Variants in BMX observed in about 807,000 individuals in gnomAD.
The protein encoded by BMX is cytoplasmic tyrosine-protein kinase BMX.
A neutral mutation model predicts 59.2 loss-of-function variants in BMX; 31 were observed. The ratio of observed to expected loss-of-function variants is 0.52; its 90% CI spans 0.39 to 0.71. The LOEUF (loss-of-function observed/expected upper bound fraction) is 0.71, where lower values mean the gene tolerates loss of function less well. BMX is among the 30% of genes least tolerant of loss of function. BMX has a pLI of 0.00. For synonymous variants in BMX, 185 were observed against 181.0 expected (o/e 1.02, Z -0.18); for missense variants, 474 against 491.7 (o/e 0.96, Z 0.34).
chrX:15,525,174 G>C, intron 7 of BMX, 114 bp from the exon 8 acceptor site: 1 of 719,458 alleles, frequency 1.4e-6, no homozygotes, highest in East Asian at 3.6e-5. Context: ...AGTGAAATGT[G>C]TGGGTCAAAA....
intron 18 of BMX, among the ~76,000 whole-genome samples, chrX:15,555,811 A>G (rs1193181269): frequency 1.8e-5 from 2 of 112,001 alleles, no homozygotes; most frequent in Non-Finnish European, 3.8e-5. Context: ...GCAAATAAAG[A>G]GACTTTTTCT....
intron 7 of BMX, among the ~76,000 whole-genome samples, chrX:15,523,849 C>T (rs937668837): frequency 2.7e-5 from 3 of 111,864 alleles, no homozygotes; most frequent in Non-Finnish European, 5.6e-5. Flanking sequence ...ATTTGCACCT[C>T]CTTAGGTTTA....
intron 9 of BMX, among the ~76,000 whole-genome samples, chrX:15,529,272 A>G (rs753250850): frequency 5.7e-4 from 64 of 111,618 alleles, no homozygotes; most frequent in Admixed American, 1.2e-3. Context: ...CATTCCTGCC[A>G]AGTTCTGAGA....
At chrX:15,537,747 T>C (rs1322184169) in intron 14 of BMX, among the ~76,000 whole-genome samples, 1 of 111,504 alleles carries the variant, frequency 9.0e-6, no homozygotes, top group Non-Finnish European at 1.9e-5. Context: ...CTAGGGGTAG[T>C]GTGCTTTACC....
intron 6 of BMX, among the ~76,000 whole-genome samples, chrX:15,521,658 T>C (rs914856963): frequency 2.7e-5 from 3 of 111,299 alleles, no homozygotes; most frequent in Non-Finnish European, 3.8e-5. Flanking sequence ...AACCAGAAGG[T>C]TGCAGGACCT....
chrX:15,515,394 G>A (rs1018062988), intron 4 of BMX, among the ~76,000 whole-genome samples: 1 of 110,493 alleles, frequency 9.1e-6, no homozygotes, highest in Admixed American at 9.7e-5. Context: ...TTTGATAATC[G>A]TATTACAGTT....
At chrX:15,526,661 T>C (rs988368088) in intron 9 of BMX, among the ~76,000 whole-genome samples, 9 of 106,118 alleles carry the variant, frequency 8.5e-5, no homozygotes, top group Non-Finnish European at 1.8e-4. Context: ...TCTCGGCTCA[T>C]TGCAACCTCC....
intron 4 of BMX, among the ~76,000 whole-genome samples, 179 bp from the exon 5 acceptor site, chrX:15,515,933 T>C (rs57126653): frequency 0.094 from 10,507 of 112,263 alleles, 1,162 homozygotes; most frequent in African/African-American, 0.32. Flanking sequence ...TTTTCTTTTT[T>C]CTTTTTGGCT....
intron 6 of BMX, among the ~76,000 whole-genome samples, chrX:15,519,788 T>A (rs989180810): frequency 1.8e-5 from 2 of 111,445 alleles, no homozygotes; most frequent in Middle Eastern, 4.7e-3. Flanking sequence ...AGAAATTGTA[T>A]GGTGAGAGAG....
chrX:15,544,543 T>C (rs780427347), intron 16 of BMX, among the ~76,000 whole-genome samples: 54 of 111,772 alleles, frequency 4.8e-4, no homozygotes, highest in South Asian at 1.9e-3. Context: ...GCTTTCACGT[T>C]CTCTGTAGCT....
At chrX:15,530,676 C>T (rs775862238) in intron 10 of BMX, among the ~76,000 whole-genome samples, 1 of 111,804 alleles carries the variant, frequency 8.9e-6, no homozygotes, top group Non-Finnish European at 1.9e-5. Flanking sequence ...TGTCACTGCT[C>T]GTTAGCACCT....
intron 4 of BMX, among the ~76,000 whole-genome samples, chrX:15,514,589 C>T (rs1924078030): frequency 8.9e-6 from 1 of 111,958 alleles, no homozygotes; most frequent in Non-Finnish European, 1.9e-5. Context: ...TAGAACCAGC[C>T]CTTCTCACCT....
intron 7 of BMX, among the ~76,000 whole-genome samples, chrX:15,523,699 G>C (rs1336192856): frequency 9.0e-6 from 1 of 111,575 alleles, no homozygotes; most frequent in African/African-American, 3.3e-5. Flanking sequence ...TGTGTTCCAG[G>C]TCCCCTTCCT....
intron 11 of BMX, among the ~76,000 whole-genome samples, chrX:15,531,988 G>C (rs1417514854): frequency 9.0e-6 from 1 of 111,720 alleles, no homozygotes; most frequent in African/African-American, 3.3e-5. Flanking sequence ...TATTTCAATA[G>C]GGCTTTGTGA....
Position 15,549,941 on chromosome X carries a change from C to G in BMX, c.1897C>G (p.Arg633Gly). The G allele has an allele frequency of 8.3e-7, 1 of 1,209,610 alleles. No homozygotes were observed. The highest frequency in any genetic ancestry group is 1.1e-6 in the Non-Finnish European group (1 of 894,522). Residue 633 changes from arginine to glycine, a missense_variant, in exon 18 of 19, where the codon CGG becomes GGG. Coordinates refer to ENST00000348343, the MANE Select transcript of BMX (RefSeq NM_203281.3). ...LKVSQGHRLY[R>G]PHLASDTIYQ... ...GGTCTCCCAGGGCCACAGGCTTTAC[C>G]GGCCCCACCTGGCATCGGACACCAT...
At chrX:15,531,436 C>T (rs746817302) in intron 11 of BMX, 29 bp downstream of exon 11, 21 of 1,098,609 alleles carry the variant, frequency 1.9e-5, no homozygotes, top group Non-Finnish European at 2.6e-5. Context: ...AATTTCTTTT[C>T]TCTTTCTGCG....
At chrX:15,512,551 C>A (rs913196757) in intron 4 of BMX, among the ~76,000 whole-genome samples, 8 of 111,188 alleles carry the variant, frequency 7.2e-5, no homozygotes, top group African/African-American at 2.3e-4. Flanking sequence ...AGAAGCTTCC[C>A]TCTACCCACC....
chrX:15,541,811 A>G (rs1233769625), intron 14 of BMX, among the ~76,000 whole-genome samples, 171 bp from the exon 15 acceptor site: 1 of 111,170 alleles, frequency 9.0e-6, no homozygotes, highest in African/African-American at 3.3e-5. Context: ...GCCTCCAAAG[A>G]TAATTGTGCT....
rs534915135 is a variant in BMX, at chrX:15,532,531, A to G, written c.1019+1124A>G. ...TACACTGAACCCCCAGTGTTTTGGA[A>G]TGAGAATCTGGTCAAATATTGATTC... On this transcript the variant is annotated intron_variant, in intron 11 of 18. Transcript: ENST00000348343. 3.8e-4 allele frequency among the ~76,000 whole-genome samples: 42 copies of G among 111,742 alleles called. No individual in the cohort carries two copies. The South Asian group carries it at 0.015, about 41-fold the overall frequency.
Sources: gnomAD v4.1 joint callset for allele counts (sites outside exome capture counted in the v4.1 genomes callset) on GRCh38, gnomAD v4.1.1 for gene constraint, MANE v1.5 for transcripts, NCBI Gene and HGNC (gene_info 2026-07-23, HGNC 2026-07-21) for gene names.